Variants in FUBP1 observed in about 807,000 individuals in gnomAD.
FUBP1 encodes the protein far upstream element-binding protein 1.
A neutral mutation model predicts 94.9 loss-of-function variants in FUBP1; 16 were observed. That is an observed-to-expected ratio of 0.17 (90% CI 0.11 to 0.26). The LOEUF is 0.26. FUBP1 is among the 10% of genes least tolerant of loss of function. FUBP1 has a pLI of 1.00. For missense variants in FUBP1, 583 were observed against 808.6 expected (o/e 0.72, Z 3.38); for synonymous variants, 279 against 254.9 (o/e 1.09, Z -0.90).
At chr1:77,959,548 A>C (rs977867158) in intron 16 of FUBP1, among the ~76,000 whole-genome samples, 4 of 152,102 alleles carry the variant, frequency 2.6e-5, no homozygotes, top group African/African-American at 9.7e-5. Context: ...TGTTACATAT[A>C]TACATAATTT....
At chr1:77,967,398 C>T (rs1656707670) in intron 4 of FUBP1, among the ~76,000 whole-genome samples, 1 of 152,162 alleles carries the variant, frequency 6.6e-6, no homozygotes, top group Non-Finnish European at 1.5e-5. Context: ...TCTAATTCAC[C>T]CCTGTTCTTC....
rs1189827523 is a variant in FUBP1 at position 77,948,632 on chromosome 1, A to G, written c.*134T>C. The G allele has an allele frequency of 7.2e-7, 1 of 1,396,748 alleles. No individual in the cohort carries two copies. The allele number at this position is 1,396,748 out of a possible 1,614,324, so 86.5% of individuals were successfully genotyped here. On this transcript the variant is annotated 3_prime_UTR_variant, in exon 20 of 20. Transcript: ENST00000370768. ...AGATATTTTGTACATTTTCAAAAAA[A>G]AAAAAAAAAAAGGAAACACTATTTT...
intron 18 of FUBP1, 96 bp from the exon 19 acceptor site, chr1:77,949,396 C>T (rs1387374486): frequency 5.0e-6 from 5 of 1,001,972 alleles, no homozygotes; most frequent in African/African-American, 3.2e-5. Flanking sequence ...TAATATTTCT[C>T]CCAAGCCTTT....
chr1:77,948,168 A>C lies in FUBP1; in HGVS notation c.*598T>G. 1 of 1,042,294 alleles carries C rather than the reference A, an allele frequency of 9.6e-7. No individual in the cohort carries two copies. Among genetic ancestry groups the C allele is most frequent in the Non-Finnish European group, 1.2e-6 (1 of 864,084 alleles). 64.6% of individuals were successfully genotyped at this position (1,042,294 alleles called of 1,614,324 possible). A position where few individuals can be genotyped will look rare whatever the true frequency, so the allele number is the denominator to read the frequency against. Reference sequence around the variant, plus strand: ...TGTACACACATGCAGTTTTTAATCAAACAGAAGGAAAAAAAATGAAGATAT... The same window carrying C: ...TGTACACACATGCAGTTTTTAATCACACAGAAGGAAAAAAAATGAAGATAT... On this transcript the variant is annotated 3_prime_UTR_variant, in exon 20 of 20. Transcript: ENST00000370768.
rs974088121 is a variant in FUBP1 at position 77,944,549 on chromosome 1, T to G, written c.*4217A>C. Among the ~76,000 whole-genome samples the G allele has an allele frequency of 4.0e-5, 6 of 151,892 alleles. No homozygotes were observed. In the South Asian group the frequency reaches 1.0e-3, roughly 26 times the overall value. ...GGTATTGTTATAATGCATTTTAAAG[T>G]GAGGCAGAGTTTGCAGAAAATAAAA... On this transcript the variant is annotated 3_prime_UTR_variant, in exon 20 of 20. Coordinates refer to ENST00000370768, the MANE Select transcript of FUBP1 (RefSeq NM_003902.5).
chr1:77,966,856 T>C lies in FUBP1; in HGVS notation c.415+28A>G, dbSNP rs528873032. 5.4e-5 allele frequency: 78 copies of C among 1,446,186 alleles called. No homozygotes were observed. In the East Asian group the frequency reaches 1.7e-3, roughly 31 times the overall value. The allele number at this position is 1,446,186 out of a possible 1,614,324, so 89.6% of individuals were successfully genotyped here. ...AAAAAAGCTAGTTTTCTAGTCACACTGAAAATACCATGAGAATGTAACATT... is the reference window on the plus strand; with the variant it reads ...AAAAAAGCTAGTTTTCTAGTCACACCGAAAATACCATGAGAATGTAACATT... On this transcript the variant is annotated intron_variant, in intron 6 of 19. Transcript: ENST00000370768.
chr1:77,953,752 TCCAC>T (rs1653941415), intron 18 of FUBP1, among the ~76,000 whole-genome samples: 1 of 152,000 alleles, frequency 6.6e-6, no homozygotes, highest in Non-Finnish European at 1.5e-5. Flanking sequence ...AAATTAGAAT[TCCAC>T]CCACCCACTC....
chr1:77,956,774 C>A (rs181665959), intron 16 of FUBP1, 74 bp from the exon 17 acceptor site: 4 of 1,065,888 alleles, frequency 3.8e-6, no homozygotes, highest in Non-Finnish European at 2.7e-6. Context: ...CACCACCCCC[C>A]CGCCCAGCTC....
Position 77,947,885 on chromosome 1 carries a change from T to G in FUBP1, c.*881A>C. Reference sequence around the variant, plus strand: ...CACTATTCACTTTTCTATCCTAAATTTAGAAAGAAACACACTAACATTATA... The same window carrying G: ...CACTATTCACTTTTCTATCCTAAATGTAGAAAGAAACACACTAACATTATA... On this transcript the variant is annotated 3_prime_UTR_variant, in exon 20 of 20. Transcript: ENST00000370768. 4.6e-6 allele frequency: 5 copies of G among 1,078,434 alleles called. No individual in the cohort carries two copies. Among genetic ancestry groups the G allele is most frequent in the Non-Finnish European group, 5.7e-6 (5 of 874,962 alleles). The allele number at this position is 1,078,434 out of a possible 1,614,324, so 66.8% of individuals were successfully genotyped here.
Position 77,960,498 on chromosome 1 carries a change from A to G in FUBP1, c.1345-3T>C. On this transcript the variant is annotated splice_polypyrimidine_tract_variant and splice_region_variant and intron_variant, in intron 14 of 19. Transcript: ENST00000370768. ...GGCCCTAAAGGATTTACTGGGCCCT[A>G]CAAAAAAAAGGATGACATAGAAAAA... The G allele has an allele frequency of 1.3e-6, 2 of 1,596,812 alleles. No individual in the cohort carries two copies. Among genetic ancestry groups the G allele is most frequent in the Non-Finnish European group, 8.5e-7 (1 of 1,173,164 alleles).
At chr1:77,954,021 T>G (rs1571242069) in intron 18 of FUBP1, among the ~76,000 whole-genome samples, 1 of 152,304 alleles carries the variant, frequency 6.6e-6, no homozygotes, top group East Asian at 1.9e-4. Context: ...TGACCAGGTC[T>G]CACTATGATG....
chr1:77,974,694 T>C (rs1351801982), intron 1 of FUBP1, among the ~76,000 whole-genome samples: 1 of 152,236 alleles, frequency 6.6e-6, no homozygotes, highest in African/African-American at 2.4e-5. Flanking sequence ...TTAAACTTTA[T>C]AGATACATAT....
At chr1:77,971,158 C>G (rs1256169805) in intron 1 of FUBP1, among the ~76,000 whole-genome samples, 2 of 152,166 alleles carry the variant, frequency 1.3e-5, no homozygotes, top group Admixed American at 6.5e-5. Flanking sequence ...GTTCCCATTT[C>G]CATGGGGAAT....
At chr1:77,976,661 T>C (rs1190896730) in intron 1 of FUBP1, among the ~76,000 whole-genome samples, 4 of 152,066 alleles carry the variant, frequency 2.6e-5, no homozygotes, top group Non-Finnish European at 5.9e-5. Context: ...GCCCGGCTAC[T>C]TTTTGTATTT....
intron 14 of FUBP1, among the ~76,000 whole-genome samples, chr1:77,961,363 C>T (rs1655448997): frequency 6.6e-6 from 1 of 152,204 alleles, no homozygotes; most frequent in South Asian, 2.1e-4. Context: ...TTTTTATTAA[C>T]TTGTCTCTTT....
chr1:77,966,868 G>T lies in FUBP1; in HGVS notation c.415+16C>A. 6.7e-7 allele frequency: 1 copy of T among 1,497,680 alleles called. No homozygotes were observed. The highest frequency in any genetic ancestry group is 9.3e-7 in the Non-Finnish European group (1 of 1,076,624). 92.8% of individuals were successfully genotyped at this position (1,497,680 alleles called of 1,614,324 possible). ...TTTCTAGTCACACTGAAAATACCAT[G>T]AGAATGTAACATTACCAGGAGCTAT... is the stretch of plus-strand genomic sequence containing the variant. On this transcript the variant is annotated intron_variant, in intron 6 of 19. Coordinates refer to ENST00000370768, the MANE Select transcript of FUBP1 (RefSeq NM_003902.5).
In FUBP1 at chr1:77,978,480, C is replaced by A. The variant is rs72933882; in HGVS notation, c.120+405G>T. 4.4e-3 allele frequency among the ~76,000 whole-genome samples: 666 copies of A among 152,312 alleles called. 5 individuals are homozygous for A. The highest frequency in any genetic ancestry group is 0.015 in the African/African-American group (623 of 41,560). Reference sequence around the variant, plus strand: ...TGTAAAGGCTACTTTAATGATAAATCCCTTCCCTTGCTATGGCTCCAGGAC... The same window carrying A: ...TGTAAAGGCTACTTTAATGATAAATACCTTCCCTTGCTATGGCTCCAGGAC... On this transcript the variant is annotated intron_variant, in intron 1 of 19. Coordinates refer to ENST00000370768, the MANE Select transcript of FUBP1 (RefSeq NM_003902.5).
intron 10 of FUBP1, 77 bp from the exon 11 acceptor site, chr1:77,964,433 G>A (rs766383475): frequency 2.0e-4 from 173 of 884,418 alleles, no homozygotes; most frequent in Admixed American, 4.6e-4. Context: ...TTAAAAAAGC[G>A]CCATTTCCTG....
intron 1 of FUBP1, 29 bp from the exon 2 acceptor site, chr1:77,970,044 T>C: frequency 8.5e-7 from 1 of 1,174,438 alleles, no homozygotes; most frequent in South Asian, 1.3e-5. Flanking sequence ...AATACCATCA[T>C]AAACTATTAT....
Sources: gnomAD v4.1 joint callset for allele counts (sites outside exome capture counted in the v4.1 genomes callset) on GRCh38, gnomAD v4.1.1 for gene constraint, MANE v1.5 for transcripts, NCBI Gene and HGNC (gene_info 2026-07-23, HGNC 2026-07-21) for gene names.